The following BIN1 variants were observed in gnomAD, a reference collection of about 807,000 sequenced individuals.
BIN1 encodes bridging integrator 1.
In BIN1, 53 loss-of-function variants were observed where a neutral mutation model predicts 82.0. That is an observed-to-expected ratio of 0.65 (90% CI 0.52 to 0.81). The LOEUF is 0.81. BIN1 is among the 40% of genes least tolerant of loss of function. The pLI, the probability that BIN1 is intolerant of heterozygous loss-of-function variation, is 0.00. For synonymous variants in BIN1, 302 were observed against 328.0 expected (o/e 0.92, Z 0.86); for missense variants, 642 against 784.4 (o/e 0.82, Z 2.17).
intron 1 of BIN1, among the ~76,000 whole-genome samples, chr2:127,101,006 T>TGGGGGG (rs368156938): frequency 2.7e-5 from 3 of 109,212 alleles, no homozygotes; most frequent in African/African-American, 4.3e-5. Context: ...GTGCGGGGGG[T>TGGGGGG]GGGGATAGAC....
intron 9 of BIN1, among the ~76,000 whole-genome samples, chr2:127,062,749 A>G (rs1404581023): frequency 6.6e-6 from 1 of 152,232 alleles, no homozygotes; most frequent in Non-Finnish European, 1.5e-5. Flanking sequence ...TTTACAGACT[A>G]ATTTTATATA....
At position 127,050,889 on chromosome 2, in the gene BIN1, C is replaced by T; in HGVS notation, c.1485G>A (p.Val495=). The T allele has an allele frequency of 6.2e-7, 1 of 1,613,976 alleles. No individual in the cohort carries two copies. Among genetic ancestry groups the T allele is most frequent in the Non-Finnish European group, 8.5e-7 (1 of 1,180,028 alleles). The part of the protein sequence containing the change: ...AASSSLPAVV[V]ETFPATVNGT... ...CATTCACAGTTGCTGGGAAGGTCTC[C>T]ACCACGACAGCAGGAAGAGAGCTCT... is the stretch of plus-strand genomic sequence containing the variant. Residue 495 remains valine, a synonymous_variant, in exon 17 of 19, where the codon GTG becomes GTA. Transcript: ENST00000316724.
chr2:127,092,740 T>C (rs1055367169), intron 1 of BIN1, among the ~76,000 whole-genome samples: 51 of 152,062 alleles, frequency 3.4e-4, no homozygotes, highest in African/African-American at 1.2e-3. Flanking sequence ...ACACATCCAG[T>C]CCTCCTCCAA....
chr2:127,094,753 C>T lies in BIN1; in HGVS notation c.84+12107G>A, dbSNP rs568064410. Reference sequence around the variant, plus strand: ...CAGGGCTCCCACAGTGCTGACTCAGCTCCCCCCGCCCAGCCCTGCAGCCCA... The same window carrying T: ...CAGGGCTCCCACAGTGCTGACTCAGTTCCCCCCGCCCAGCCCTGCAGCCCA... On this transcript the variant is annotated intron_variant, in intron 1 of 18. Coordinates refer to ENST00000316724, the MANE Select transcript of BIN1 (RefSeq NM_139343.3). Among the ~76,000 whole-genome samples the T allele has an allele frequency of 2.0e-5, 3 of 152,370 alleles. No individual in the cohort carries two copies. In the East Asian group the frequency reaches 5.8e-4, roughly 29 times the overall value.
chr2:127,058,391 T>A (rs1010796427), intron 11 of BIN1, among the ~76,000 whole-genome samples: 1 of 152,140 alleles, frequency 6.6e-6, no homozygotes, highest in Admixed American at 6.5e-5. Flanking sequence ...AACGGGGAGC[T>A]GCAGGATCCC....
chr2:127,094,428 GGGTTTGCT>G (rs1469084765), intron 1 of BIN1, among the ~76,000 whole-genome samples: 2 of 152,198 alleles, frequency 1.3e-5, no homozygotes, highest in African/African-American at 4.8e-5. Flanking sequence ...CCAGCAAACA[GGGTTTGCT>G]GTTAGCCCGT....
intron 1 of BIN1, among the ~76,000 whole-genome samples, chr2:127,087,836 C>G (rs1678386763): frequency 6.6e-6 from 1 of 152,146 alleles, no homozygotes; most frequent in Non-Finnish European, 1.5e-5. Flanking sequence ...GCTGGAGGAC[C>G]CCCTGGATCA....
chr2:127,099,407 C>A (rs909768754), intron 1 of BIN1, among the ~76,000 whole-genome samples: 1 of 151,988 alleles, frequency 6.6e-6, no homozygotes, highest in Non-Finnish European at 1.5e-5. Flanking sequence ...TGGTTCTTTC[C>A]CCCCCAGGAA....
chr2:127,080,838 A>G (rs1171526229), intron 1 of BIN1, among the ~76,000 whole-genome samples: 2 of 152,204 alleles, frequency 1.3e-5, no homozygotes, highest in Non-Finnish European at 2.9e-5. Flanking sequence ...TCCTCCTGCA[A>G]TCATCCACAG....
chr2:127,081,699 C>T, intron 1 of BIN1: 3 of 1,006,628 alleles, frequency 3.0e-6, no homozygotes, highest in Non-Finnish European at 3.9e-6. Flanking sequence ...ACCCCTCGTC[C>T]CTGCAGTGGC....
At chr2:127,058,116 G>A (rs966459918) in intron 11 of BIN1, among the ~76,000 whole-genome samples, 5 of 152,172 alleles carry the variant, frequency 3.3e-5, no homozygotes, top group African/African-American at 2.4e-5. Context: ...GGAAGCCAGC[G>A]TGGCACCAGG....
rs777898974 is a variant in BIN1 at position 127,063,615 on chromosome 2, T to C, written c.730A>G (p.Ser244Gly). ...RVGFYVNTFQ[S>G]IAGLEENFHK... is the part of the protein sequence containing the mutation. The stretch of plus-strand genomic sequence containing the variant: ...AAGTTTTCCTCCAGGCCCGCGATGC[T>C]CTGGAACGTGTTGACGTAGAAACCT... Residue 244 changes from serine to glycine, a missense_variant, in exon 9 of 19, where the codon AGC becomes GGC. Physicochemically the swap from Ser to Gly is moderately conservative, Grantham distance 56 (BLOSUM62 0). Transcript: ENST00000316724. 8.7e-6 allele frequency: 14 copies of C among 1,613,802 alleles called. No individual in the cohort carries two copies. In the Admixed American group the frequency reaches 2.0e-4, roughly 23 times the overall value.
intron 15 of BIN1, among the ~76,000 whole-genome samples, chr2:127,051,587 A>G (rs2071269): frequency 0.6 from 91,253 of 151,824 alleles, 27,884 homozygotes; most frequent in African/African-American, 0.71. Flanking sequence ...CACAGCCACC[A>G]CCCGCCCACC....
In BIN1 at chr2:127,082,479, A is replaced by G. The variant is rs557044974; in HGVS notation, c.85-5773T>C. ...AGACCAGGGTTGGCGTGGGCAGGCC[A>G]TGGTGGGCGCCCAGGCAGGGGAAGG... On this transcript the variant is annotated intron_variant, in intron 1 of 18. Transcript: ENST00000316724. This position sits in a 1 kb window ranked among gnomAD's most constrained non-coding sequence, Gnocchi z 6.1. Among the ~76,000 whole-genome samples the G allele has an allele frequency of 1.6e-4, 24 of 151,964 alleles. No individual in the cohort carries two copies. Among genetic ancestry groups the G allele is most frequent in the Non-Finnish European group, 2.6e-4 (18 of 67,972 alleles).
At chr2:127,064,803 G>A (rs559818798) in intron 7 of BIN1, 4 of 153,892 alleles carry the variant, frequency 2.6e-5, no homozygotes, top group Admixed American at 6.4e-5. Flanking sequence ...CCCATCACAC[G>A]GCCACAGAGT....
At chr2:127,084,609 G>A (rs1475774240) in intron 1 of BIN1, among the ~76,000 whole-genome samples, 4 of 152,210 alleles carry the variant, frequency 2.6e-5, no homozygotes, top group African/African-American at 4.8e-5. Flanking sequence ...GCTCAGAGCC[G>A]CAGATTATTA....
intron 2 of BIN1, among the ~76,000 whole-genome samples, chr2:127,074,855 A>C (rs1246942825): frequency 6.6e-6 from 1 of 152,134 alleles, no homozygotes; most frequent in Non-Finnish European, 1.5e-5. Context: ...GGCACACACC[A>C]CCACGCCTGG....
chr2:127,102,599 A>C (rs1292446019), intron 1 of BIN1, among the ~76,000 whole-genome samples: 2 of 152,204 alleles, frequency 1.3e-5, no homozygotes, highest in Admixed American at 1.3e-4. Context: ...CTGGACAAGT[A>C]GCCTGTGCCT....
At chr2:127,066,227 G>A (rs1685144833) in intron 7 of BIN1, among the ~76,000 whole-genome samples, 1 of 152,220 alleles carries the variant, frequency 6.6e-6, no homozygotes, top group Admixed American at 6.5e-5. Flanking sequence ...AGCCAGGTAT[G>A]AGTGGGCTGG....
Sources: allele counts gnomAD v4.1 joint callset (sites outside exome capture counted in the v4.1 genomes callset), GRCh38; gene constraint gnomAD v4.1.1; non-coding constraint Gnocchi (gnomAD v3.1); transcripts MANE v1.5; gene names NCBI Gene and HGNC (gene_info 2026-07-23, HGNC 2026-07-21).